C19orf38: variants seen among roughly 807,000 people sequenced by gnomAD.
The protein encoded by C19orf38 is chromosome 19 open reading frame 38.
Under a neutral mutation model 26.6 loss-of-function variants are expected in C19orf38, and 14 were observed. The ratio of observed to expected loss-of-function variants is 0.53; its 90% confidence interval spans 0.35 to 0.82. The LOEUF (loss-of-function observed/expected upper bound fraction) is 0.82, where lower values mean the gene tolerates loss of function less well. Ranked by LOEUF, C19orf38 falls within the 40% of genes least tolerant of loss-of-function variation. The probability of loss-of-function intolerance (pLI) is 0.01; values close to 1 mark genes in which losing one functional copy is unlikely to be tolerated. For missense variants in C19orf38, 261 were observed against 299.5 expected (o/e 0.87, Z 0.95); for synonymous variants, 132 against 128.5 (o/e 1.03, Z -0.18).
At chr19:10,855,751 A>G (rs1419520966) in intron 2 of C19orf38, among the ~76,000 whole-genome samples, 1 of 151,896 alleles carries the variant, frequency 6.6e-6, no homozygotes, top group Non-Finnish European at 1.5e-5. Context: ...GATGGTCTCG[A>G]TCTACTGACC....
intron 3 of C19orf38, among the ~76,000 whole-genome samples, chr19:10,858,064 T>C (rs1480990373): frequency 6.6e-6 from 1 of 151,256 alleles, no homozygotes; most frequent in Non-Finnish European, 1.5e-5. Flanking sequence ...CCCTCTTCTC[T>C]ACTAAAATAC....
At chr19:10,841,183 A>G (rs1406031436) in intron 1 of C19orf38, among the ~76,000 whole-genome samples, 1 of 152,062 alleles carries the variant, frequency 6.6e-6, no homozygotes, top group Non-Finnish European at 1.5e-5. Context: ...GAAACAAAAA[A>G]ACTTCTCTAG....
chr19:10,864,693 T>C (rs897603961), intron 6 of C19orf38, among the ~76,000 whole-genome samples: 3 of 151,782 alleles, frequency 2.0e-5, no homozygotes, highest in Non-Finnish European at 4.4e-5. Flanking sequence ...AAAGGGTGGG[T>C]GGTTTGGTCC....
At chr19:10,842,353 C>T (rs1568331555) in intron 1 of C19orf38, 18 of 576,992 alleles carry the variant, frequency 3.1e-5, no homozygotes, top group South Asian at 2.0e-4. Context: ...CTCCGCCTCC[C>T]GGGTTCACAC....
At chr19:10,858,428 A>C (rs977109407) in intron 4 of C19orf38, 85 bp downstream of exon 4, 1 of 1,297,314 alleles carries the variant, frequency 7.7e-7, no homozygotes, top group Non-Finnish European at 1.1e-6. Context: ...CATGCCCCCC[A>C]CAAACAGCGC....
chr19:10,861,453 G>A lies in C19orf38; in HGVS notation c.505+1495G>A, dbSNP rs947338845. 3.9e-5 allele frequency among the ~76,000 whole-genome samples: 6 copies of A among 152,240 alleles called. No individual in the cohort carries two copies. In the East Asian group the frequency reaches 1.2e-3, roughly 29 times the overall value. ...GCACTTACTATGTGCTAAGATCTGA[G>A]AGGGTCCTTTCGTAACCAAGACAGA... On this transcript the variant is annotated intron_variant, in intron 5 of 6. Coordinates refer to ENST00000397820, the MANE Select transcript of C19orf38 (RefSeq NM_001136482.3).
At chr19:10,840,066 T>G (rs1249830564) in intron 1 of C19orf38, among the ~76,000 whole-genome samples, 1 of 152,236 alleles carries the variant, frequency 6.6e-6, no homozygotes, top group African/African-American at 2.4e-5. Flanking sequence ...AGTAGAGTTA[T>G]TTCAACCTTT....
chr19:10,868,509 A>T (rs998711102), intron 6 of C19orf38, among the ~76,000 whole-genome samples: 1 of 151,990 alleles, frequency 6.6e-6, no homozygotes, highest in Non-Finnish European at 1.5e-5. Context: ...AATACTATTT[A>T]TTTTTTATTT....
intron 5 of C19orf38, among the ~76,000 whole-genome samples, chr19:10,861,922 G>A (rs574032263): frequency 5.9e-5 from 9 of 151,490 alleles, no homozygotes; most frequent in African/African-American, 9.7e-5. Flanking sequence ...GTTTTGAGGC[G>A]GAGTCTCACT....
intron 6 of C19orf38, among the ~76,000 whole-genome samples, chr19:10,867,450 C>CAAA (rs536371317): frequency 3.3e-5 from 3 of 90,818 alleles, no homozygotes; most frequent in Non-Finnish European, 6.9e-5. Flanking sequence ...ACTAAAACTA[C>CAAA]AAAAAAAAAA....
intron 1 of C19orf38, among the ~76,000 whole-genome samples, chr19:10,837,632 C>G (rs1188520008): frequency 6.6e-6 from 1 of 150,384 alleles, no homozygotes; most frequent in East Asian, 2.0e-4. Flanking sequence ...CTCAGCCTTC[C>G]GAGTAGCTGA....
At chr19:10,858,226 TAAAAAAAAAAAAAAA>T in intron 3 of C19orf38, 75 bp from the exon 4 acceptor site, 1 of 320,732 alleles carries the variant, frequency 3.1e-6, no homozygotes, top group Non-Finnish European at 4.6e-6. Context: ...AGACTCTGTC[TAAAAAAAAAAAAAAA>T]AAAAAAAAAA....
rs1259878606 is a variant in C19orf38, at chr19:10,869,407, G to A, written c.*40G>A. ...GGACCCCTCTGTCTCCAGGCATTCG[G>A]GGGCCTGAGGTCCCTCCAGCTACTT... On this transcript the variant is annotated 3_prime_UTR_variant, in exon 7 of 7. Coordinates refer to ENST00000397820, the MANE Select transcript of C19orf38 (RefSeq NM_001136482.3). The A allele has an allele frequency of 3.3e-6, 5 of 1,515,340 alleles. No homozygotes were observed. The highest frequency in any genetic ancestry group is 1.4e-5 in the African/African-American group (1 of 71,072). 93.9% of individuals were successfully genotyped at this position (1,515,340 alleles called of 1,614,324 possible). A position where few individuals can be genotyped will look rare whatever the true frequency, so the allele number is the denominator to read the frequency against.
intron 4 of C19orf38, 137 bp downstream of exon 4, chr19:10,858,480 A>G (rs917446098): frequency 1.0e-5 from 8 of 799,988 alleles, no homozygotes; most frequent in African/African-American, 1.8e-5. Flanking sequence ...GGAGCCATTT[A>G]TTAAGTGCCT....
chr19:10,842,176 C>T (rs1437692190), intron 1 of C19orf38: 17 of 1,562,022 alleles, frequency 1.1e-5, no homozygotes, highest in East Asian at 9.0e-5. Context: ...ATGTTCATTC[C>T]GGCAAATGTG....
chr19:10,849,282 A>G (rs1463887880), intron 1 of C19orf38, among the ~76,000 whole-genome samples: 1 of 151,924 alleles, frequency 6.6e-6, no homozygotes, highest in Non-Finnish European at 1.5e-5. Context: ...TGGCCTCCCA[A>G]AGTGCTGGGA....
rs991116401 is a variant in C19orf38 at position 10,848,475 on chromosome 19, C to T, written c.-34C>T. 1 of 1,551,478 alleles carries T rather than the reference C, an allele frequency of 6.4e-7. No homozygotes were observed. Among genetic ancestry groups the T allele is most frequent in the Non-Finnish European group, 8.7e-7 (1 of 1,146,792 alleles). On this transcript the variant is annotated 5_prime_UTR_variant, in exon 1 of 7. Coordinates refer to ENST00000397820, the MANE Select transcript of C19orf38 (RefSeq NM_001136482.3). ...GCGGGGAGCCTTGGGCCCCTCTGGC[C>T]TCAGCCGGATTTCCCAGCCAAACGC...
chr19:10,854,581 T>G (rs1030351818), intron 2 of C19orf38, among the ~76,000 whole-genome samples: 3 of 152,082 alleles, frequency 2.0e-5, no homozygotes, highest in African/African-American at 4.8e-5. Flanking sequence ...GCTGACATTG[T>G]GAGAATACCA....
Position 10,850,407 on chromosome 19 carries a change from C to T in C19orf38, c.180C>T (p.Leu60=). ...TLYRGGQVVQ[L]LQAPTDQRGV... Reference sequence around the variant, plus strand: ...ATCGAGGGGGGCAGGTGGTCCAGCTCCTGCAGGCCCCCACGGACCAGCGCG... The same window carrying T: ...ATCGAGGGGGGCAGGTGGTCCAGCTTCTGCAGGCCCCCACGGACCAGCGCG... Residue 60 remains leucine (L), a synonymous_variant, in exon 2 of 7, where the codon CTC becomes CTT. Coordinates refer to ENST00000397820, the MANE Select transcript of C19orf38 (RefSeq NM_001136482.3). 6.4e-7 allele frequency: 1 copy of T among 1,550,782 alleles called. No individual in the cohort carries two copies. Among genetic ancestry groups the T allele is most frequent in the Non-Finnish European group, 8.7e-7 (1 of 1,146,436 alleles).
Sources: gnomAD v4.1 joint callset for allele counts (sites outside exome capture counted in the v4.1 genomes callset) on GRCh38, gnomAD v4.1.1 for gene constraint, MANE v1.5 for transcripts, NCBI Gene and HGNC (gene_info 2026-07-23, HGNC 2026-07-21) for gene names.